Variants in GSE1 observed in about 807,000 individuals in gnomAD.
GSE1 encodes Gse1 coiled-coil protein.
A neutral mutation model predicts 112.6 loss-of-function variants in GSE1; 32 were observed. That is an observed-to-expected ratio of 0.28 (90% confidence interval 0.21 to 0.38). GSE1 has a LOEUF of 0.38. Ranked by LOEUF, GSE1 falls within the 10% of genes least tolerant of loss-of-function variation. GSE1 has a pLI of 1.00. For synonymous variants in GSE1, 1,115 were observed against 735.6 expected, an observed-to-expected ratio of 1.52 and a Z score of -8.35; for missense variants, 2,348 against 1,699.2, an observed-to-expected ratio of 1.38 and a Z score of -6.71.
chr16:85,409,921 C>T (rs2048456848), intron 2 of GSE1, among the ~76,000 whole-genome samples: 1 of 11,304 alleles, frequency 8.8e-5, no homozygotes, highest in African/African-American at 3.8e-4. Flanking sequence ...GGATAATCCT[C>T]ACTGTTACAC....
intron 2 of GSE1, among the ~76,000 whole-genome samples, chr16:85,484,259 G>A (rs1314320802): frequency 2.6e-5 from 4 of 152,190 alleles, no homozygotes; most frequent in African/African-American, 7.2e-5. Context: ...TCTCCTCCGC[G>A]GGTCCCCTGG....
At chr16:85,386,710 TCAGTGGTCAGGAAAGTCGA>T (rs1209738747) in intron 2 of GSE1, among the ~76,000 whole-genome samples, 1 of 152,150 alleles carries the variant, frequency 6.6e-6, no homozygotes, top group East Asian at 1.9e-4. Flanking sequence ...CTGGCCTGAG[TCAGTGGTCAGGAAAGTCGA>T]CCTCACTTAG....
chr16:85,231,553 G>T (rs1184150056), intron 1 of GSE1, among the ~76,000 whole-genome samples: 1 of 152,196 alleles, frequency 6.6e-6, no homozygotes, highest in East Asian at 1.9e-4. Context: ...AAATAGACAG[G>T]TGGAAGTGTA....
chr16:85,246,200 TACACACACACAC>T lies in GSE1; in HGVS notation c.2283+74420_2283+74431del, dbSNP rs545313239. On this transcript the variant is annotated intron_variant, in intron 1 of 2. Transcript: ENST00000637419. ...CAGGATGCCCCAGCTTCAGGGACCCTACACACACACACACACACACACACACACACACACACA... is the reference window on the plus strand; with the variant it reads ...CAGGATGCCCCAGCTTCAGGGACCCTACACACACACACACACACACACACA... Among the ~76,000 whole-genome samples the T allele has an allele frequency of 2.2e-3, 197 of 89,112 alleles. 1 individual carries two copies. Among genetic ancestry groups the T allele is most frequent in the African/African-American group, 8.2e-3 (163 of 19,926 alleles). 58.5% of individuals were successfully genotyped at this position (89,112 alleles called of 152,430 possible).
chr16:85,313,584 C>A (rs1483404740), intron 1 of GSE1, among the ~76,000 whole-genome samples: 1 of 152,144 alleles, frequency 6.6e-6, no homozygotes, highest in Non-Finnish European at 1.5e-5. Flanking sequence ...GGTTTTCCTG[C>A]CCTGCTAGTG....
At chr16:85,248,282 G>A (rs1906082710) in intron 1 of GSE1, among the ~76,000 whole-genome samples, 1 of 152,108 alleles carries the variant, frequency 6.6e-6, no homozygotes, top group Admixed American at 6.6e-5. Context: ...CTGACCGTTT[G>A]TCTTCCCGCC....
intron 1 of GSE1, among the ~76,000 whole-genome samples, chr16:85,327,152 G>C (rs145327196): frequency 1.3e-5 from 2 of 152,302 alleles, no homozygotes; most frequent in Non-Finnish European, 2.9e-5. Context: ...CATGGTGGCA[G>C]GGTCCCAAGA....
intron 3 of GSE1, among the ~76,000 whole-genome samples, chr16:85,651,355 A>G (rs1328070699): frequency 6.6e-6 from 1 of 151,772 alleles, no homozygotes; most frequent in East Asian, 2.0e-4. Flanking sequence ...GACGGAAGCC[A>G]CAGACATGTG....
At position 85,275,556 on chromosome 16, in the gene GSE1, G is replaced by T. The variant is rs556217812; in HGVS notation, c.2284-81907G>T. Among the ~76,000 whole-genome samples, 6 of 152,344 alleles carry T rather than the reference G, an allele frequency of 3.9e-5. No individual in the cohort carries two copies. The South Asian group carries it at 1.2e-3, about 32-fold the overall frequency. On this transcript the variant is annotated intron_variant, in intron 1 of 2. Coordinates refer to the GSE1 transcript ENST00000637419. ...ACCAGTGAAAAGAGAAGATTCCGGAGCTAGCACCCAGCATTTCATACTTTC... is the reference window on the plus strand; with the variant it reads ...ACCAGTGAAAAGAGAAGATTCCGGATCTAGCACCCAGCATTTCATACTTTC...
chr16:85,309,613 C>CA (rs2045777643), intron 1 of GSE1, among the ~76,000 whole-genome samples: 3 of 152,276 alleles, frequency 2.0e-5, no homozygotes, highest in Non-Finnish European at 4.4e-5. Flanking sequence ...GCCCACCCCC[C>CA]GGATCTGGCC....
chr16:85,495,800 G>A lies in GSE1; in HGVS notation c.2465-138114G>A, dbSNP rs368508733. Among the ~76,000 whole-genome samples, 46 of 152,262 alleles carry A rather than the reference G, an allele frequency of 3.0e-4. No homozygotes were observed. The East Asian group carries it at 6.8e-3, about 22-fold the overall frequency. On this transcript the variant is annotated intron_variant, in intron 2 of 2. Coordinates refer to the GSE1 transcript ENST00000637419. ...GGCATGAGCCACTACGCCCAGCCAT[G>A]CTGGGGACATTTTAAACCCCTGCCA... is the stretch of plus-strand genomic sequence containing the variant.
chr16:85,238,219 C>T (rs188425016), intron 1 of GSE1, among the ~76,000 whole-genome samples: 50 of 152,284 alleles, frequency 3.3e-4, no homozygotes, highest in African/African-American at 1.1e-3. Flanking sequence ...TCCCCACACA[C>T]GGGGTTAGGG....
chr16:85,202,684 C>G (rs1219034310), intron 1 of GSE1, among the ~76,000 whole-genome samples: 1 of 152,250 alleles, frequency 6.6e-6, no homozygotes, highest in Non-Finnish European at 1.5e-5. Context: ...CTGGGAGAGC[C>G]CCTTGGGAGG....
At chr16:85,527,965 G>A (rs2052416544) in intron 2 of GSE1, among the ~76,000 whole-genome samples, 1 of 152,346 alleles carries the variant, frequency 6.6e-6, no homozygotes, top group South Asian at 2.1e-4. Flanking sequence ...AGGAGCATGT[G>A]TGTCTGTTCT....
chr16:85,462,815 C>T (rs1316944790), intron 2 of GSE1, among the ~76,000 whole-genome samples: 1 of 122,484 alleles, frequency 8.2e-6, no homozygotes, highest in East Asian at 2.7e-4. Context: ...GGCGCGGGGC[C>T]GGGGGGCGGC....
At chr16:85,207,586 T>C (rs2075142134) in intron 1 of GSE1, among the ~76,000 whole-genome samples, 1 of 152,028 alleles carries the variant, frequency 6.6e-6, no homozygotes, top group Non-Finnish European at 1.5e-5. Flanking sequence ...AGCCCCTTCA[T>C]GAATCCCCTG....
At chr16:85,494,869 G>A (rs1393176392) in intron 2 of GSE1, among the ~76,000 whole-genome samples, 23 of 152,234 alleles carry the variant, frequency 1.5e-4, no homozygotes, top group Non-Finnish European at 3.4e-4. Context: ...GTGCCTCTGT[G>A]GCAGCCCCCA....
At chr16:85,388,233 T>C in intron 2 of GSE1, among the ~76,000 whole-genome samples, 1 of 137,502 alleles carries the variant, frequency 7.3e-6, no homozygotes, top group Non-Finnish European at 1.6e-5. Flanking sequence ...CATACATGGG[T>C]GGATGGATGG....
intron 1 of GSE1, among the ~76,000 whole-genome samples, chr16:85,614,489 G>T (rs1451763585): frequency 1.3e-5 from 2 of 152,192 alleles, no homozygotes; most frequent in Non-Finnish European, 2.9e-5. Flanking sequence ...GAGACTCGAG[G>T]CGCAGGCCAT....
Sources: allele counts gnomAD v4.1 joint callset (sites outside exome capture counted in the v4.1 genomes callset), GRCh38; gene constraint gnomAD v4.1.1; transcripts MANE v1.5; gene names NCBI Gene and HGNC (gene_info 2026-07-23, HGNC 2026-07-21).